CPNE2: variants seen among roughly 807,000 people sequenced by gnomAD.
The protein encoded by CPNE2 is copine-2.
Under a neutral mutation model 69.7 loss-of-function variants are expected in CPNE2, and 42 were observed. The observed-to-expected ratio is 0.60, with a 90% confidence interval of 0.47 to 0.78. The LOEUF (loss-of-function observed/expected upper bound fraction) is 0.78, where lower values mean the gene tolerates loss of function less well. Ranked by LOEUF, CPNE2 falls within the 30% of genes least tolerant of loss-of-function variation. CPNE2 has a pLI of 0.00. For missense variants in CPNE2, 587 were observed against 732.0 expected (o/e 0.80, Z 2.29); for synonymous variants, 294 against 289.8 (o/e 1.01, Z -0.15).
intron 9 of CPNE2, among the ~76,000 whole-genome samples, chr16:57,123,123 G>C (rs2216758): frequency 6.6e-6 from 1 of 151,840 alleles, no homozygotes; most frequent in Admixed American, 6.5e-5. Flanking sequence ...GACAAATTGA[G>C]ACACTCTGTG....
intron 13 of CPNE2, among the ~76,000 whole-genome samples, chr16:57,135,230 C>T (rs2069869992): frequency 6.6e-6 from 1 of 152,074 alleles, no homozygotes; most frequent in Non-Finnish European, 1.5e-5. Context: ...TTCCCACCCG[C>T]CCCCTTGCTG....
intron 10 of CPNE2, chr16:57,125,371 G>A (rs2069793201): frequency 4.4e-6 from 2 of 456,008 alleles, no homozygotes; most frequent in South Asian, 1.5e-5. Context: ...CAGGTCCCAG[G>A]CCCCTTGGTG....
At chr16:57,096,418 G>A (rs750886216) in intron 1 of CPNE2, among the ~76,000 whole-genome samples, 10 of 152,242 alleles carry the variant, frequency 6.6e-5, no homozygotes, top group South Asian at 2.1e-4. Flanking sequence ...AGAGCCGGGC[G>A]TGGTGGCTCA....
intron 12 of CPNE2, among the ~76,000 whole-genome samples, chr16:57,133,399 C>G (rs2069852425): frequency 2.0e-5 from 3 of 152,172 alleles, no homozygotes; most frequent in East Asian, 3.9e-4. Flanking sequence ...TCCCTGCCCT[C>G]TCCCCCAGGA....
intron 14 of CPNE2, among the ~76,000 whole-genome samples, chr16:57,138,739 C>T (rs1198664975): frequency 1.3e-5 from 2 of 152,218 alleles, no homozygotes; most frequent in African/African-American, 4.8e-5. Flanking sequence ...ATCCTTCTCT[C>T]CGTGCCTGGT....
At chr16:57,147,326 CACTT>C in intron 15 of CPNE2, 1 of 401,118 alleles carries the variant, frequency 2.5e-6, no homozygotes, top group Admixed American at 4.3e-5. Context: ...CTCCAGGTAA[CACTT>C]ACACCTAACC....
chr16:57,147,503 T>C (rs1476967840), intron 15 of CPNE2, 48 bp from the exon 16 acceptor site: 1 of 1,366,482 alleles, frequency 7.3e-7, no homozygotes, highest in Non-Finnish European at 1.0e-6. Flanking sequence ...TTCCGGTCAT[T>C]AATCCTTATT....
chr16:57,113,577 A>G (rs2069696066), intron 3 of CPNE2, 110 bp downstream of exon 3: 1 of 1,157,628 alleles, frequency 8.6e-7, no homozygotes, highest in East Asian at 2.6e-5. Context: ...GGTGGGTCCC[A>G]AAGTGCAGAT....
chr16:57,095,533 T>G (rs1412587119), intron 1 of CPNE2, among the ~76,000 whole-genome samples: 1 of 152,212 alleles, frequency 6.6e-6, no homozygotes, highest in Non-Finnish European at 1.5e-5. Flanking sequence ...AGTGCACTGG[T>G]GTGATCTCAG....
In CPNE2 at chr16:57,117,515, C is replaced by T; in HGVS notation, c.455C>T (p.Ser152Phe). Residue 152 changes from serine (S) to phenylalanine (F), a missense_variant, in exon 5 of 16, where the codon TCC becomes TTC. Ser to Phe is a radical substitution (Grantham distance 155). Around this residue, in one of 5 missense-constraint regions of CPNE2, gnomAD observed 269 missense variants for 300.5 expected, o/e 0.90. Coordinates refer to ENST00000290776, the MANE Select transcript of CPNE2 (RefSeq NM_152727.6). Reference sequence around the variant, plus strand: ...TTACAGATCGCTGCCCAGGAGCTGTCCGACAACCGCGTCATCACACTAAGC... The same window carrying T: ...TTACAGATCGCTGCCCAGGAGCTGTTCGACAACCGCGTCATCACACTAAGC... The part of the protein sequence containing the change: ...GLITIAAQEL[S>F]DNRVITLSLA... 6.2e-7 allele frequency: 1 copy of T among 1,613,898 alleles called. No individual in the cohort carries two copies. The highest frequency in any genetic ancestry group is 1.7e-4 in the Middle Eastern group (1 of 6,058).
At chr16:57,111,953 T>C (rs960437359) in intron 2 of CPNE2, among the ~76,000 whole-genome samples, 1 of 152,212 alleles carries the variant, frequency 6.6e-6, no homozygotes, top group Non-Finnish European at 1.5e-5. Context: ...AAATCAAAAT[T>C]GTTAGGAACC....
chr16:57,127,208 C>A (rs1205979802), intron 11 of CPNE2, among the ~76,000 whole-genome samples: 1 of 152,064 alleles, frequency 6.6e-6, no homozygotes, highest in Non-Finnish European at 1.5e-5. Context: ...GCGAAGGGGC[C>A]ATTTTGATTG....
At chr16:57,119,398 A>G in intron 6 of CPNE2, 120 bp downstream of exon 6, 1 of 1,151,946 alleles carries the variant, frequency 8.7e-7, no homozygotes. Flanking sequence ...CCACAGTGGC[A>G]CCTGAGGGAT....
intron 1 of CPNE2, among the ~76,000 whole-genome samples, chr16:57,097,847 C>T (rs986040084): frequency 7.9e-5 from 12 of 152,232 alleles, no homozygotes; most frequent in African/African-American, 2.9e-4. Context: ...CCAAGGTCCC[C>T]TAAGTACTCA....
intron 10 of CPNE2, chr16:57,124,862 A>AG: frequency 4.4e-6 from 1 of 226,636 alleles, no homozygotes; most frequent in South Asian, 5.9e-5. Context: ...CCCTGCACAG[A>AG]GGCCAGGCCC....
At chr16:57,097,858 G>A (rs908918466) in intron 1 of CPNE2, among the ~76,000 whole-genome samples, 3 of 152,244 alleles carry the variant, frequency 2.0e-5, no homozygotes, top group Non-Finnish European at 4.4e-5. Flanking sequence ...TAAGTACTCA[G>A]AGTCTCCGGA....
chr16:57,113,586 A>T, intron 3 of CPNE2, 119 bp downstream of exon 3: 1 of 1,051,924 alleles, frequency 9.5e-7, no homozygotes, highest in South Asian at 1.6e-5. Flanking sequence ...CAAAGTGCAG[A>T]TGCAGAGTGG....
chr16:57,121,673 G>T lies in CPNE2; in HGVS notation c.781-1G>T, dbSNP rs779672451. 1 of 1,614,058 alleles carries T rather than the reference G, an allele frequency of 6.2e-7. No individual in the cohort carries two copies. The highest frequency in any genetic ancestry group is 8.5e-7 in the Non-Finnish European group (1 of 1,179,964). On this transcript the variant is annotated splice_acceptor_variant, in intron 8 of 15. Coordinates refer to ENST00000290776, the MANE Select transcript of CPNE2 (RefSeq NM_152727.6). LOFTEE classifies it high-confidence loss of function. The stretch of plus-strand genomic sequence containing the variant: ...GTGTCTCTTTCTTTTGCGTTGCCCA[G>T]CTGGAGTTCGAGTGCATCAACCCCA...
rs536406994 is a variant in CPNE2 at position 57,128,032 on chromosome 16, G to A, written c.1116+129G>A. On this transcript the variant is annotated intron_variant, in intron 12 of 15. Transcript: ENST00000290776. ...CCTGCCTTCCCTGTGTTCACCCCAG[G>A]CCACGCTCATTTCTCAAGCCTGATC... 27 of 878,118 alleles carry A rather than the reference G, an allele frequency of 3.1e-5. No individual in the cohort carries two copies. The East Asian group carries it at 6.3e-4, about 20-fold the overall frequency. 54.4% of individuals were successfully genotyped at this position (878,118 alleles called of 1,614,324 possible). A position where few individuals can be genotyped will look rare whatever the true frequency, so the allele number is the denominator to read the frequency against.
Sources: allele counts gnomAD v4.1 joint callset (sites outside exome capture counted in the v4.1 genomes callset), GRCh38; gene constraint gnomAD v4.1.1; regional missense constraint gnomAD v4.1.1; transcripts MANE v1.5; gene names NCBI Gene and HGNC (gene_info 2026-07-23, HGNC 2026-07-21).